NPAS3: variants seen among roughly 807,000 people sequenced by gnomAD.
NPAS3 encodes neuronal PAS domain-containing protein 3.
In NPAS3, 14 loss-of-function variants were observed where a neutral mutation model predicts 73.1. The ratio of observed to expected loss-of-function variants is 0.19; its 90% CI spans 0.13 to 0.30. The LOEUF (loss-of-function observed/expected upper bound fraction) is 0.30. Ranked by LOEUF, NPAS3 falls within the 10% of genes least tolerant of loss-of-function variation. The probability of loss-of-function intolerance (pLI) is 1.00; values close to 1 mark genes in which losing one functional copy is unlikely to be tolerated. For missense variants in NPAS3, 1,096 were observed against 1,250.0 expected (o/e 0.88, Z 1.86); for synonymous variants, 620 against 541.5 (o/e 1.14, Z -2.01).
chr14:33,169,499 C>T (rs776894822), intron 2 of NPAS3, among the ~76,000 whole-genome samples: 16 of 152,044 alleles, frequency 1.1e-4, no homozygotes, highest in South Asian at 2.1e-4. Flanking sequence ...ACCCAGGAGG[C>T]GGAGGTTGCA....
chr14:33,353,914 T>C (rs2045203886), intron 3 of NPAS3, among the ~76,000 whole-genome samples: 1 of 152,184 alleles, frequency 6.6e-6, no homozygotes, highest in Admixed American at 6.5e-5. Flanking sequence ...GGATTATAGA[T>C]CATTATGTTG....
At chr14:33,492,563 G>T (rs568848395) in intron 4 of NPAS3, among the ~76,000 whole-genome samples, 11 of 152,228 alleles carry the variant, frequency 7.2e-5, no homozygotes, top group African/African-American at 2.6e-4. Context: ...TTTCATCAAA[G>T]GACTAGTATT....
chr14:33,508,395 G>T (rs1355302370), intron 4 of NPAS3, among the ~76,000 whole-genome samples: 2 of 152,044 alleles, frequency 1.3e-5, no homozygotes, highest in African/African-American at 4.8e-5. Flanking sequence ...CGAAAAGGGG[G>T]CTTAGGGGGA....
chr14:33,076,970 G>C (rs111278948), intron 2 of NPAS3, among the ~76,000 whole-genome samples: 1 of 152,110 alleles, frequency 6.6e-6, no homozygotes, highest in African/African-American at 2.4e-5. Flanking sequence ...TGTGAGGCTT[G>C]ATGAGGCTTA....
At chr14:33,385,721 C>G (rs1305555571) in intron 4 of NPAS3, among the ~76,000 whole-genome samples, 1 of 152,086 alleles carries the variant, frequency 6.6e-6, no homozygotes, top group Non-Finnish European at 1.5e-5. Context: ...AAGCTGACAT[C>G]CAGATGCCAG....
chr14:33,206,836 T>C (rs1221020422), intron 2 of NPAS3, among the ~76,000 whole-genome samples: 1 of 152,194 alleles, frequency 6.6e-6, no homozygotes, highest in Admixed American at 6.5e-5. Flanking sequence ...GTCCTTTGCA[T>C]GGTCAGTGAA....
intron 2 of NPAS3, among the ~76,000 whole-genome samples, chr14:33,165,001 G>A (rs1045941563): frequency 3.3e-5 from 5 of 152,224 alleles, no homozygotes; most frequent in Admixed American, 1.3e-4. Context: ...TTAAAATGCA[G>A]AAAAATGTAC....
chr14:33,471,279 C>A (rs1264489856), intron 4 of NPAS3, among the ~76,000 whole-genome samples: 1 of 152,218 alleles, frequency 6.6e-6, no homozygotes, highest in Non-Finnish European at 1.5e-5. Flanking sequence ...GAAGCTGGGG[C>A]AGTAATCTCA....
chr14:33,387,656 C>T (rs2046827932), intron 4 of NPAS3, among the ~76,000 whole-genome samples: 1 of 152,016 alleles, frequency 6.6e-6, no homozygotes, highest in Non-Finnish European at 1.5e-5. Context: ...GGAAAACGGG[C>T]AATGCCAGGG....
intron 3 of NPAS3, among the ~76,000 whole-genome samples, chr14:33,229,889 G>A (rs12323418): frequency 6.6e-6 from 1 of 152,172 alleles, no homozygotes; most frequent in Non-Finnish European, 1.5e-5. Flanking sequence ...AGATTCATAC[G>A]AATTGTAAGT....
chr14:33,006,916 G>T (rs1165914243), intron 1 of NPAS3, among the ~76,000 whole-genome samples: 3 of 152,108 alleles, frequency 2.0e-5, no homozygotes, highest in Non-Finnish European at 4.4e-5. Flanking sequence ...TGCATGTTTT[G>T]GGTCTCCTTG....
chr14:33,599,833 C>T (rs1265184280), intron 5 of NPAS3, among the ~76,000 whole-genome samples: 6 of 152,076 alleles, frequency 3.9e-5, no homozygotes, highest in Admixed American at 2.0e-4. Context: ...AATTTTGGAA[C>T]TCATAAAGGA....
At chr14:33,785,690 C>T (rs1193894705) in intron 9 of NPAS3, among the ~76,000 whole-genome samples, 2 of 152,018 alleles carry the variant, frequency 1.3e-5, no homozygotes, top group Non-Finnish European at 2.9e-5. Flanking sequence ...ACAGTTTTCC[C>T]ATACATGCAG....
At chr14:33,696,805 A>G (rs904338342) in intron 6 of NPAS3, among the ~76,000 whole-genome samples, 3 of 152,214 alleles carry the variant, frequency 2.0e-5, no homozygotes, top group South Asian at 2.1e-4. Context: ...TATATAACGT[A>G]TATGACTTCA....
At chr14:32,938,525 A>AGAGAGAGAGAGAGAGAGAGAGG (rs1566779564), upstream of NPAS3, among the ~76,000 whole-genome samples, 3 of 66,242 alleles carry the variant, frequency 4.5e-5, no homozygotes, top group Non-Finnish European at 8.9e-5. Context: ...GAGAGAGAGA[A>AGAGAGAGAGAGAGAGAGAGAGG]GGGGGGGGAG....
chr14:33,772,941 C>T (rs1025166776), intron 7 of NPAS3, among the ~76,000 whole-genome samples: 1 of 152,148 alleles, frequency 6.6e-6, no homozygotes, highest in African/African-American at 2.4e-5. Context: ...AGATCCACAG[C>T]TGTGGGCGCC....
At chr14:33,730,547 C>T (rs756547013) in intron 6 of NPAS3, among the ~76,000 whole-genome samples, 3 of 152,204 alleles carry the variant, frequency 2.0e-5, no homozygotes, top group Non-Finnish European at 4.4e-5. Context: ...GAAAGCAGCA[C>T]ATCATGACTG....
At chr14:33,349,879 A>T (rs540998306) in intron 3 of NPAS3, among the ~76,000 whole-genome samples, 132 of 152,280 alleles carry the variant, frequency 8.7e-4, no homozygotes, top group Non-Finnish European at 1.4e-3. Flanking sequence ...TCTGGGCGGA[A>T]TTGTTGAAGG....
At chr14:32,962,839 A>C (rs1039389620) in intron 1 of NPAS3, among the ~76,000 whole-genome samples, 3 of 149,990 alleles carry the variant, frequency 2.0e-5, no homozygotes, top group African/African-American at 7.3e-5. Flanking sequence ...CTGAGATTAC[A>C]GGTGTGAGCT....
Sources: allele counts gnomAD v4.1 joint callset (sites outside exome capture counted in the v4.1 genomes callset), GRCh38; gene constraint gnomAD v4.1.1; transcripts MANE v1.5; gene names NCBI Gene and HGNC (gene_info 2026-07-23, HGNC 2026-07-21).